Variants in TF observed in about 807,000 individuals in gnomAD.
TF encodes serotransferrin.
TF carries 55 observed loss-of-function variants against 82.4 expected under a neutral mutation model. The ratio of observed to expected loss-of-function variants is 0.67; its 90% CI spans 0.54 to 0.84. TF has a LOEUF of 0.84. Ranked by LOEUF, TF falls within the 40% of genes least tolerant of loss-of-function variation. The pLI, the probability that TF is intolerant of heterozygous loss-of-function variation, is 0.00. For missense variants in TF, 737 were observed against 868.4 expected (o/e 0.85, Z 1.90); for synonymous variants, 332 against 332.6 (o/e 1.00, Z 0.02).
At chr3:133,772,533 A>G (rs1024497187) in intron 14 of TF, among the ~76,000 whole-genome samples, 6 of 152,148 alleles carry the variant, frequency 3.9e-5, no homozygotes, top group African/African-American at 9.7e-5. Context: ...GGATGTCCTC[A>G]TATATTGTAG....
chr3:133,775,140 T>C (rs930486889), intron 14 of TF: 36 of 466,526 alleles, frequency 7.7e-5, no homozygotes, highest in East Asian at 4.3e-5. Flanking sequence ...TGGAATTTAG[T>C]GGAATTGAAG....
upstream of TF, among the ~76,000 whole-genome samples, chr3:133,745,744 T>G (rs999442837): frequency 6.6e-6 from 1 of 152,118 alleles, no homozygotes; most frequent in African/African-American, 2.4e-5. Flanking sequence ...CTGTCCCTAG[T>G]CTAAGGTGTC....
At chr3:133,756,474 G>A in intron 6 of TF, 137 bp downstream of exon 6, 1 of 1,024,600 alleles carries the variant, frequency 9.8e-7, no homozygotes. Context: ...TTCCACCTGT[G>A]CAGAGTTAGG....
intron 11 of TF, 150 bp downstream of exon 11, chr3:133,765,057 G>C: frequency 7.5e-6 from 6 of 801,318 alleles, no homozygotes; most frequent in African/African-American, 1.7e-5. Flanking sequence ...AATGGATAAT[G>C]ATGGTTATCC....
the TF span, among the ~76,000 whole-genome samples, chr3:133,668,729 A>G: frequency 8.5e-5 from 13 of 152,174 alleles, 1 homozygote; most frequent in Non-Finnish European, 8.8e-5. Context: ...TCATTGCATG[A>G]AGGCATTCTC....
chr3:133,762,058 A>G (rs1934009324), intron 9 of TF: 1 of 181,000 alleles, frequency 5.5e-6, no homozygotes, highest in Admixed American at 5.3e-5. Context: ...GAAGATGGAA[A>G]TGGACAGAAG....
chr3:133,772,742 A>G (rs1338961941), intron 14 of TF: 1 of 152,012 alleles, frequency 6.6e-6, no homozygotes, highest in African/African-American at 2.4e-5. Flanking sequence ...AATTGTGTGT[A>G]TTTAAGGTAG....
chr3:133,681,060 T>C, the TF span, among the ~76,000 whole-genome samples: 1 of 152,250 alleles, frequency 6.6e-6, no homozygotes, highest in South Asian at 2.1e-4. Context: ...TTTGCCTAAA[T>C]ACTACAGATT....
At chr3:133,764,662 C>T (rs993954882) in intron 10 of TF, among the ~76,000 whole-genome samples, 1 of 152,174 alleles carries the variant, frequency 6.6e-6, no homozygotes, top group Non-Finnish European at 1.5e-5. Context: ...GAGCAGGAAA[C>T]TTGACATTCG....
At chr3:133,733,339 C>T in the TF span, among the ~76,000 whole-genome samples, 1 of 152,198 alleles carries the variant, frequency 6.6e-6, no homozygotes. Context: ...GGGCACAAAA[C>T]TCGTGTGTCC....
chr3:133,708,853 C>G, the TF span, among the ~76,000 whole-genome samples: 4 of 150,838 alleles, frequency 2.7e-5, no homozygotes, highest in African/African-American at 9.8e-5. Context: ...AAAGGACAGA[C>G]AGAGTACATC....
At position 133,768,266 on chromosome 3, in the gene TF, C is replaced by T. The variant is rs1934176975; in HGVS notation, c.1622+102C>T. 11 of 1,457,680 alleles carry T rather than the reference C, an allele frequency of 7.5e-6. No homozygotes were observed. In the South Asian group the frequency reaches 1.1e-4, roughly 14 times the overall value. The allele number at this position is 1,457,680 out of a possible 1,614,324, so 90.3% of individuals were successfully genotyped here. Reference sequence around the variant, plus strand: ...TTCTTAGGTTCCTATTCCATTAGTGCGGCATGTATTAAGAGAGTATATTTC... The same window carrying T: ...TTCTTAGGTTCCTATTCCATTAGTGTGGCATGTATTAAGAGAGTATATTTC... On this transcript the variant is annotated intron_variant, in intron 13 of 16. Coordinates refer to ENST00000402696, the MANE Select transcript of TF (RefSeq NM_001063.4).
At chr3:133,670,919 G>A in the TF span, among the ~76,000 whole-genome samples, 22,657 of 152,186 alleles carry the variant, frequency 0.15, 1,922 homozygotes, top group Non-Finnish European at 0.2. Flanking sequence ...GAAGCCAGCC[G>A]AACTGATGGC....
upstream of TF, among the ~76,000 whole-genome samples, chr3:133,744,344 C>A (rs949269269): frequency 1.2e-4 from 19 of 152,326 alleles, no homozygotes; most frequent in African/African-American, 2.6e-4. Flanking sequence ...GGCATGGGCT[C>A]AACCTTTCGT....
the TF span, among the ~76,000 whole-genome samples, chr3:133,681,562 A>G: frequency 2.6e-5 from 4 of 152,134 alleles, no homozygotes; most frequent in Admixed American, 6.5e-5. Context: ...TATCCCACAC[A>G]TGGCTCAGAG....
chr3:133,740,920 T>C, the TF span, among the ~76,000 whole-genome samples: 1 of 149,432 alleles, frequency 6.7e-6, no homozygotes, highest in African/African-American at 2.5e-5. Context: ...GTTTTTTTTT[T>C]TTTTTTTAAT....
rs768814304 is a variant in TF, at chr3:133,766,264, T to C, written c.1331-14T>C. On this transcript the variant is annotated splice_polypyrimidine_tract_variant and intron_variant, in intron 11 of 16. Coordinates refer to ENST00000402696, the MANE Select transcript of TF (RefSeq NM_001063.4). Reference sequence around the variant, plus strand: ...GAGGTGTTAATACATCCTTTTCTGGTGTCTTTCTTGTAGGGTATTTTGCTA... The same window carrying C: ...GAGGTGTTAATACATCCTTTTCTGGCGTCTTTCTTGTAGGGTATTTTGCTA... 2 of 1,613,972 alleles carry C rather than the reference T, an allele frequency of 1.2e-6. No individual in the cohort carries two copies. Among genetic ancestry groups the C allele is most frequent in the Non-Finnish European group, 1.7e-6 (2 of 1,179,848 alleles).
At chr3:133,680,840 G>T in the TF span, among the ~76,000 whole-genome samples, 1 of 152,266 alleles carries the variant, frequency 6.6e-6, no homozygotes, top group East Asian at 1.9e-4. Context: ...AACAGACCCA[G>T]ATGGTTCAAA....
At chr3:133,705,208 A>T in the TF span, among the ~76,000 whole-genome samples, 1 of 151,704 alleles carries the variant, frequency 6.6e-6, no homozygotes, top group African/African-American at 2.4e-5. Context: ...TGGGAGGCAG[A>T]GGTTGCAGTG....
Sources: gnomAD v4.1 joint callset for allele counts (sites outside exome capture counted in the v4.1 genomes callset) on GRCh38, gnomAD v4.1.1 for gene constraint, MANE v1.5 for transcripts, NCBI Gene and HGNC (gene_info 2026-07-23, HGNC 2026-07-21) for gene names.